SLC10A7: variants seen among roughly 807,000 people sequenced by gnomAD.
SLC10A7 encodes sodium/bile acid cotransporter 7.
SLC10A7 carries 29 observed loss-of-function variants against 43.2 expected under a neutral mutation model. That is an observed-to-expected ratio of 0.67 (90% CI 0.50 to 0.92). SLC10A7 has a LOEUF of 0.92. Ranked by LOEUF, SLC10A7 falls within the 40% of genes least tolerant of loss-of-function variation. SLC10A7 has a pLI of 0.00. For missense variants in SLC10A7, 295 were observed against 403.2 expected (o/e 0.73, Z 2.30); for synonymous variants, 152 against 144.8 (o/e 1.05, Z -0.35).
chr4:146,325,961 A>G lies in SLC10A7; in HGVS notation c.471T>C (p.Phe157=), dbSNP rs1263742681. 2 of 1,611,608 alleles carry G rather than the reference A, an allele frequency of 1.2e-6. No individual in the cohort carries two copies. Among genetic ancestry groups the G allele is most frequent in the East Asian group, 2.2e-5 (1 of 44,820 alleles). ...IVITPLLLLL[F]LGSSSSVPFT... is the part of the protein sequence containing the mutation. ...TTAAAGACAACATCAAAATACTCAC[A>G]AAAAGCAGCAGGAGCAGGGGTGTTA... The change falls in exon 6 of 12, where the codon TTT becomes TTC. Residue 157 remains phenylalanine, a splice_region_variant and synonymous_variant. Transcript: ENST00000335472.
At chr4:146,484,381 A>G (rs183007865) in intron 4 of SLC10A7, among the ~76,000 whole-genome samples, 1 of 152,288 alleles carries the variant, frequency 6.6e-6, no homozygotes, top group African/African-American at 2.4e-5. Context: ...GAATAAATCA[A>G]CCAGACAGAA....
chr4:146,260,945 G>T (rs1728184989), intron 10 of SLC10A7, among the ~76,000 whole-genome samples: 1 of 152,198 alleles, frequency 6.6e-6, no homozygotes. Flanking sequence ...AACTGCTAGG[G>T]CTACCCCAAT....
chr4:146,356,666 C>T (rs1429868527), intron 5 of SLC10A7, among the ~76,000 whole-genome samples: 2 of 131,038 alleles, frequency 1.5e-5, no homozygotes, highest in Non-Finnish European at 3.2e-5. Flanking sequence ...TGATATTATA[C>T]TTATTTGCTT....
intron 5 of SLC10A7, among the ~76,000 whole-genome samples, chr4:146,435,627 C>T (rs972127224): frequency 2.0e-5 from 3 of 151,982 alleles, no homozygotes; most frequent in African/African-American, 7.3e-5. Context: ...AATAGATTAA[C>T]CATACAAAAT....
At chr4:146,436,094 T>G (rs1730189687) in intron 5 of SLC10A7, among the ~76,000 whole-genome samples, 1 of 152,098 alleles carries the variant, frequency 6.6e-6, no homozygotes, top group Admixed American at 6.5e-5. Context: ...TGCTTCAGCC[T>G]CCACCAAAAT....
At chr4:146,292,842 A>G (rs1730532282) in intron 9 of SLC10A7, 87 bp downstream of exon 9, 3 of 904,654 alleles carry the variant, frequency 3.3e-6, no homozygotes, top group Admixed American at 2.7e-5. Context: ...AGAAAAAAAT[A>G]TAAACGTGTA....
intron 5 of SLC10A7, among the ~76,000 whole-genome samples, chr4:146,397,556 G>A (rs1296687279): frequency 6.6e-6 from 1 of 152,198 alleles, no homozygotes; most frequent in Non-Finnish European, 1.5e-5. Flanking sequence ...ATTTTTAGCA[G>A]TTGGGGAGCT....
At chr4:146,292,712 C>A (rs1730521043) in intron 9 of SLC10A7, among the ~76,000 whole-genome samples, 1 of 152,152 alleles carries the variant, frequency 6.6e-6, no homozygotes, top group African/African-American at 2.4e-5. Flanking sequence ...CCTGCCTAAG[C>A]ACTCAATGTG....
intron 5 of SLC10A7, among the ~76,000 whole-genome samples, chr4:146,434,550 G>A (rs1004340522): frequency 6.6e-6 from 1 of 151,998 alleles, no homozygotes; most frequent in Non-Finnish European, 1.5e-5. Flanking sequence ...ACTGCATTAC[G>A]TGAAGTTGTT....
At chr4:146,283,807 G>C (rs1578779779) in intron 9 of SLC10A7, among the ~76,000 whole-genome samples, 1 of 152,002 alleles carries the variant, frequency 6.6e-6, no homozygotes, top group East Asian at 1.9e-4. Context: ...ACCCCAAAAG[G>C]CAAGTGATGT....
intron 4 of SLC10A7, among the ~76,000 whole-genome samples, chr4:146,444,240 C>T (rs973692085): frequency 2.0e-5 from 3 of 152,164 alleles, no homozygotes; most frequent in African/African-American, 4.8e-5. Context: ...ATGTACCTTT[C>T]CCACAAGCAA....
At chr4:146,467,562 CTTTTTTT>C (rs397995707) in intron 4 of SLC10A7, among the ~76,000 whole-genome samples, 2 of 92,832 alleles carry the variant, frequency 2.2e-5, no homozygotes, top group Non-Finnish European at 3.9e-5. Context: ...TTCTTTCTCT[CTTTTTTT>C]TTTTTTTTTT....
intron 5 of SLC10A7, among the ~76,000 whole-genome samples, chr4:146,394,172 A>G (rs1738646781): frequency 6.6e-6 from 1 of 152,204 alleles, no homozygotes; most frequent in South Asian, 2.1e-4. Context: ...GGTCAAGGTC[A>G]GCCCTAGATT....
chr4:146,393,837 A>T (rs1422414089), intron 5 of SLC10A7, among the ~76,000 whole-genome samples: 1 of 152,230 alleles, frequency 6.6e-6, no homozygotes, highest in African/African-American at 2.4e-5. Flanking sequence ...AGGGGAAGGG[A>T]ATATACAGGC....
chr4:146,344,808 G>C (rs1025081531), intron 5 of SLC10A7, among the ~76,000 whole-genome samples: 12 of 152,030 alleles, frequency 7.9e-5, no homozygotes, highest in Admixed American at 3.9e-4. Context: ...GGAAAATATA[G>C]TGATATTTCA....
chr4:146,402,588 A>G (rs1739296587), intron 5 of SLC10A7, among the ~76,000 whole-genome samples: 1 of 152,194 alleles, frequency 6.6e-6, no homozygotes, highest in African/African-American at 2.4e-5. Flanking sequence ...GAAGGAAACC[A>G]AAAACATGTT....
intron 4 of SLC10A7, among the ~76,000 whole-genome samples, chr4:146,450,482 G>A (rs1317199994): frequency 6.6e-6 from 1 of 152,098 alleles, no homozygotes; most frequent in African/African-American, 2.4e-5. Context: ...TAAACATATA[G>A]AAATTAGTCA....
chr4:146,476,948 GAA>G (rs11298351), intron 4 of SLC10A7, among the ~76,000 whole-genome samples: 42 of 149,888 alleles, frequency 2.8e-4, no homozygotes, highest in Admixed American at 4.6e-4. Flanking sequence ...ATTCTGCTCT[GAA>G]AAAAAAAAAA....
At chr4:146,472,408 C>T (rs988869902) in intron 4 of SLC10A7, among the ~76,000 whole-genome samples, 4 of 150,506 alleles carry the variant, frequency 2.7e-5, no homozygotes, top group Admixed American at 6.6e-5. Flanking sequence ...TTCCTTCTCT[C>T]ATTTACATAT....
Sources: gnomAD v4.1 joint callset for allele counts (sites outside exome capture counted in the v4.1 genomes callset) on GRCh38, gnomAD v4.1.1 for gene constraint, MANE v1.5 for transcripts, NCBI Gene and HGNC (gene_info 2026-07-23, HGNC 2026-07-21) for gene names.